The following SLC16A2 variants were observed in gnomAD, a reference collection of about 807,000 sequenced individuals.
SLC16A2 encodes the protein monocarboxylate transporter 8.
A neutral mutation model predicts 27.2 loss-of-function variants in SLC16A2; 3 were observed. That is an observed-to-expected ratio of 0.11 (90% CI 0.05 to 0.28). The LOEUF is 0.28. Among genes scored for constraint, SLC16A2 ranks in the 10% least tolerant of loss-of-function variants. The pLI is 1.00. For missense variants in SLC16A2, 295 were observed against 458.5 expected, an observed-to-expected ratio of 0.64 and a Z score of 3.26; for synonymous variants, 202 against 187.8, an observed-to-expected ratio of 1.08 and a Z score of -0.62.
intron 1 of SLC16A2, among the ~76,000 whole-genome samples, chrX:74,495,961 G>T (rs1197717740): frequency 9.0e-6 from 1 of 111,027 alleles, no homozygotes; most frequent in Admixed American, 9.5e-5. Flanking sequence ...GTGTTCAGGA[G>T]GGGGCAGTGT....
At chrX:74,485,506 T>C (rs1929699762) in intron 1 of SLC16A2, among the ~76,000 whole-genome samples, 1 of 110,720 alleles carries the variant, frequency 9.0e-6, no homozygotes, top group South Asian at 3.8e-4. Flanking sequence ...ATCTTTGCTC[T>C]TAGAGCTCCC....
intron 1 of SLC16A2, among the ~76,000 whole-genome samples, chrX:74,480,533 C>T (rs1296313622): frequency 8.9e-6 from 1 of 112,234 alleles, no homozygotes; most frequent in Non-Finnish European, 1.9e-5. Flanking sequence ...GCACCCAGTA[C>T]CTCAGTTGGA....
chrX:74,433,939 T>G lies in SLC16A2; in HGVS notation c.430+11872T>G, dbSNP rs750787468. 6.1e-4 allele frequency among the ~76,000 whole-genome samples: 69 copies of G among 112,358 alleles called. 1 individual carries two copies. The highest frequency in any genetic ancestry group is 9.2e-3 in the Middle Eastern group (2 of 218). On this transcript the variant is annotated intron_variant, in intron 1 of 5. Coordinates refer to ENST00000587091, the MANE Select transcript of SLC16A2 (RefSeq NM_006517.5). ...TAAGTATAATAATACCATCTGTTATTGCTGGTGTGGAGATTAAATGAGATG... is the reference window on the plus strand; with the variant it reads ...TAAGTATAATAATACCATCTGTTATGGCTGGTGTGGAGATTAAATGAGATG...
intron 1 of SLC16A2, among the ~76,000 whole-genome samples, chrX:74,480,068 C>G (rs1460633791): frequency 8.9e-6 from 1 of 112,194 alleles, no homozygotes; most frequent in Admixed American, 9.4e-5. Flanking sequence ...TTGGCTATGC[C>G]CTGCCCCCAG....
At chrX:74,472,753 AAC>A (rs1417779011) in intron 1 of SLC16A2, among the ~76,000 whole-genome samples, 4 of 110,801 alleles carry the variant, frequency 3.6e-5, no homozygotes, top group Non-Finnish European at 7.6e-5. Flanking sequence ...AAAAAAAAAA[AAC>A]AACCTACATT....
At chrX:74,425,343 G>A in intron 1 of SLC16A2, among the ~76,000 whole-genome samples, 1 of 111,617 alleles carries the variant, frequency 9.0e-6, no homozygotes, top group Non-Finnish European at 1.9e-5. Context: ...AGTTTTGGAG[G>A]AAAGCCAACT....
rs970955096 is a variant in SLC16A2, at chrX:74,498,766, C to T, written c.431-22224C>T. ...CCATTGTTCGGGTTTCTGGGTCTTC[C>T]TCTTCTCAAGGCTGGTTTGTAAATC... On this transcript the variant is annotated intron_variant, in intron 1 of 5. Coordinates refer to ENST00000587091, the MANE Select transcript of SLC16A2 (RefSeq NM_006517.5). Among the ~76,000 whole-genome samples the T allele has an allele frequency of 7.1e-5, 8 of 111,925 alleles. No individual in the cohort carries two copies. The Admixed American group carries it at 7.6e-4, about 11-fold the overall frequency.
rs752683380 is a variant in SLC16A2, at chrX:74,521,087, G to T, written c.528G>T (p.Ala176=). 2.5e-6 allele frequency: 3 copies of T among 1,211,656 alleles called. No individual in the cohort carries two copies. The highest frequency in any genetic ancestry group is 4.3e-5 in the Admixed American group (2 of 46,058). The change falls in exon 2 of 6, where the codon GCG becomes GCT. Residue 176 remains alanine, a synonymous_variant. Coordinates refer to ENST00000587091, the MANE Select transcript of SLC16A2 (RefSeq NM_006517.5). The part of the protein sequence containing the change: ...DRLGCRITAT[A]GAAVAFIGLH... ...TGGGCTGCCGAATCACAGCAACCGC[G>T]GGGGCTGCCGTTGCTTTCATTGGCC...
At chrX:74,499,310 A>G (rs1033439249) in intron 1 of SLC16A2, among the ~76,000 whole-genome samples, 4 of 110,336 alleles carry the variant, frequency 3.6e-5, no homozygotes, top group African/African-American at 9.9e-5. Context: ...GGCTGCACCC[A>G]CCACTACTCT....
intron 1 of SLC16A2, among the ~76,000 whole-genome samples, chrX:74,447,450 A>G (rs489612): frequency 0.41 from 45,024 of 109,696 alleles, 7,287 homozygotes; most frequent in East Asian, 0.97. Flanking sequence ...AGGTGGGAGG[A>G]TCACTTGAGG....
intron 1 of SLC16A2, among the ~76,000 whole-genome samples, chrX:74,488,274 T>A (rs1230092915): frequency 9.0e-6 from 1 of 111,353 alleles, no homozygotes; most frequent in Admixed American, 9.6e-5. Context: ...CCAAAATATA[T>A]TTTTACCTGT....
At chrX:74,489,970 T>TACAC (rs55975734) in intron 1 of SLC16A2, among the ~76,000 whole-genome samples, 14,793 of 86,956 alleles carry the variant, frequency 0.17, 1,185 homozygotes, top group African/African-American at 0.25. Context: ...GTCACACACA[T>TACAC]ACACACACAC....
chrX:74,447,399 G>A (rs1461490440), intron 1 of SLC16A2, among the ~76,000 whole-genome samples: 8 of 111,655 alleles, frequency 7.2e-5, no homozygotes, highest in Admixed American at 2.9e-4. Flanking sequence ...GGGGCCTGGT[G>A]TAGTGGTTCA....
chrX:74,503,362 C>T (rs1930070941), intron 1 of SLC16A2, among the ~76,000 whole-genome samples: 1 of 111,501 alleles, frequency 9.0e-6, no homozygotes, highest in South Asian at 3.8e-4. Context: ...GTGAAACAAG[C>T]CCAGACTTCA....
chrX:74,435,553 A>T (rs865917026), intron 1 of SLC16A2, among the ~76,000 whole-genome samples: 2,692 of 87,708 alleles, frequency 0.031, 68 homozygotes, highest in Middle Eastern at 0.045. Flanking sequence ...ATATATATAT[A>T]TTTTTTTTTT....
At chrX:74,519,298 C>T (rs1298776627) in intron 1 of SLC16A2, among the ~76,000 whole-genome samples, 3 of 108,352 alleles carry the variant, frequency 2.8e-5, no homozygotes, top group Non-Finnish European at 1.9e-5. Flanking sequence ...CTGCCTCAGC[C>T]TCGCTAGTAG....
At chrX:74,505,035 C>T (rs1437318138) in intron 1 of SLC16A2, among the ~76,000 whole-genome samples, 1 of 111,792 alleles carries the variant, frequency 8.9e-6, no homozygotes, top group Non-Finnish European at 1.9e-5. Context: ...CAGGTACATA[C>T]ACCTTGTTCT....
chrX:74,493,871 C>G (rs1166176777), intron 1 of SLC16A2, among the ~76,000 whole-genome samples: 3 of 111,506 alleles, frequency 2.7e-5, no homozygotes, highest in African/African-American at 9.8e-5. Context: ...GTTGTGAGGA[C>G]CTTACCCCCA....
chrX:74,462,521 T>C (rs1012146407), intron 1 of SLC16A2, among the ~76,000 whole-genome samples: 1 of 111,546 alleles, frequency 9.0e-6, no homozygotes, highest in African/African-American at 3.3e-5. Flanking sequence ...GGTTTCAACA[T>C]GTTGGCCGGG....
Sources: allele counts gnomAD v4.1 joint callset (sites outside exome capture counted in the v4.1 genomes callset), GRCh38; gene constraint gnomAD v4.1.1; transcripts MANE v1.5; gene names NCBI Gene and HGNC (gene_info 2026-07-23, HGNC 2026-07-21).